KLHL1: variants seen among roughly 807,000 people sequenced by gnomAD.
The protein encoded by KLHL1 is kelch like family member 1, also known as kelch-like protein 1.
KLHL1 carries 47 observed loss-of-function variants against 77.7 expected under a neutral mutation model. That is an observed-to-expected ratio of 0.60 (90% CI 0.48 to 0.77). KLHL1 has a LOEUF of 0.77. Ranked by LOEUF, KLHL1 falls within the 30% of genes least tolerant of loss-of-function variation. The pLI is 0.00. For missense variants in KLHL1, 925 were observed against 910.8 expected (o/e 1.02, Z -0.20); for synonymous variants, 360 against 325.2 (o/e 1.11, Z -1.15).
At chr13:69,857,828 C>T (rs1338779262) in intron 5 of KLHL1, among the ~76,000 whole-genome samples, 1 of 151,342 alleles carries the variant, frequency 6.6e-6, no homozygotes, top group Non-Finnish European at 1.5e-5. Flanking sequence ...CACACGTACC[C>T]TAGAACTTAA....
intron 5 of KLHL1, among the ~76,000 whole-genome samples, chr13:69,848,365 A>C (rs1323158642): frequency 6.6e-6 from 1 of 151,484 alleles, no homozygotes; most frequent in Non-Finnish European, 1.5e-5. Context: ...TACCATTGTC[A>C]ATATCAGCCT....
rs79821356 is a variant in KLHL1 at position 70,100,410 on chromosome 13, G to A, written c.497+6793C>T. On this transcript the variant is annotated intron_variant, in intron 1 of 10. Transcript: ENST00000377844. Reference sequence around the variant, plus strand: ...GCTAAGCTTGCTACATTTTTTTGTCGATTTCATCAATTTTTTTATAGACAA... The same window carrying A: ...GCTAAGCTTGCTACATTTTTTTGTCAATTTCATCAATTTTTTTATAGACAA... Among the ~76,000 whole-genome samples, 522 of 151,596 alleles carry A rather than the reference G, an allele frequency of 3.4e-3. 2 individuals are homozygous for A. Among genetic ancestry groups the A allele is most frequent in the African/African-American group, 0.011 (474 of 41,348 alleles).
chr13:70,099,840 G>A (rs1797847700), intron 1 of KLHL1, among the ~76,000 whole-genome samples: 1 of 151,680 alleles, frequency 6.6e-6, no homozygotes. Context: ...TTTTTATATG[G>A]CAGAATAGTA....
chr13:70,076,607 T>C (rs1300546244), intron 1 of KLHL1, among the ~76,000 whole-genome samples: 1 of 151,058 alleles, frequency 6.6e-6, no homozygotes, highest in Non-Finnish European at 1.5e-5. Context: ...GCCCAATCCA[T>C]GAAAGAAAAC....
intron 6 of KLHL1, among the ~76,000 whole-genome samples, chr13:69,813,076 A>G (rs1371414976): frequency 2.6e-5 from 4 of 152,028 alleles, no homozygotes; most frequent in African/African-American, 7.2e-5. Context: ...AACCAACCCA[A>G]ATGTTCATCA....
intron 6 of KLHL1, among the ~76,000 whole-genome samples, chr13:69,831,175 A>C (rs570271999): frequency 6.7e-6 from 1 of 150,228 alleles, no homozygotes; most frequent in African/African-American, 2.5e-5. Context: ...CTTTGAAAAG[A>C]TAAACATAAC....
chr13:69,984,850 T>A (rs1045241123), intron 1 of KLHL1, among the ~76,000 whole-genome samples: 1 of 152,140 alleles, frequency 6.6e-6, no homozygotes, highest in Non-Finnish European at 1.5e-5. Flanking sequence ...GGCTCACACC[T>A]GTAATCCCAG....
chr13:69,978,729 T>C (rs530419634), intron 1 of KLHL1, among the ~76,000 whole-genome samples: 4 of 152,048 alleles, frequency 2.6e-5, no homozygotes, highest in East Asian at 1.9e-4. Flanking sequence ...TCAGGTGATC[T>C]GCCCGCCTTG....
intron 1 of KLHL1, among the ~76,000 whole-genome samples, chr13:70,055,298 A>C (rs941373138): frequency 2.0e-5 from 3 of 152,126 alleles, no homozygotes; most frequent in African/African-American, 7.2e-5. Flanking sequence ...TGAAGGAAAA[A>C]ATATTTTATC....
Position 69,842,314 on chromosome 13 carries a change from C to T in KLHL1, c.1228-3152G>A, listed in dbSNP as rs144593572. 9.2e-5 allele frequency among the ~76,000 whole-genome samples: 14 copies of T among 151,832 alleles called. No homozygotes were observed. In the East Asian group the frequency reaches 2.1e-3, roughly 23 times the overall value. ...ATTTATGCAAGAGAGGACAAATACG[C>T]AGAATGTACAGGAAACAAAAAACAA... is the stretch of plus-strand genomic sequence containing the variant. On this transcript the variant is annotated intron_variant, in intron 5 of 10. Transcript: ENST00000377844.
At chr13:69,853,647 T>C (rs376684907) in intron 5 of KLHL1, among the ~76,000 whole-genome samples, 34 of 152,050 alleles carry the variant, frequency 2.2e-4, no homozygotes, top group African/African-American at 7.7e-4. Flanking sequence ...GTGTTTAAAG[T>C]GGTATTCACC....
At chr13:69,835,093 A>G (rs887589316) in intron 6 of KLHL1, among the ~76,000 whole-genome samples, 9 of 152,164 alleles carry the variant, frequency 5.9e-5, no homozygotes, top group South Asian at 2.1e-4. Context: ...AATATCCAAA[A>G]TGTTTGAAAA....
intron 7 of KLHL1, among the ~76,000 whole-genome samples, chr13:69,743,385 A>T (rs1566203649): frequency 1.3e-5 from 2 of 152,222 alleles, no homozygotes; most frequent in South Asian, 2.1e-4. Flanking sequence ...AACAGGTTTC[A>T]GTTCAAACAG....
chr13:69,861,772 AC>A lies in KLHL1; in HGVS notation c.1227+20510del, dbSNP rs912792168. Among the ~76,000 whole-genome samples, 151 of 133,044 alleles carry A rather than the reference AC, an allele frequency of 1.1e-3. 2 individuals are homozygous for A. Among genetic ancestry groups the A allele is most frequent in the African/African-American group, 4.2e-3 (145 of 34,632 alleles). 87.3% of individuals were successfully genotyped at this position (133,044 alleles called of 152,430 possible). Reference sequence around the variant, plus strand: ...AGATCAGCCTGACCAACATGGAGAAACCCCGTCTCTACTAAAAAAAAAAAAA... The same window carrying A: ...AGATCAGCCTGACCAACATGGAGAAACCCGTCTCTACTAAAAAAAAAAAAA... On this transcript the variant is annotated intron_variant, in intron 5 of 10. Transcript: ENST00000377844.
Position 69,941,046 on chromosome 13 carries a change from CAATTGTATATACAATTGTATAT to C in KLHL1, c.818-832_818-811del, listed in dbSNP as rs1234513617. On this transcript the variant is annotated intron_variant, in intron 3 of 10. Transcript: ENST00000377844. ...AAGTTGTATAACTTGTATAATTGTA[CAATTGTATATACAATTGTATAT>C]AATTGTATAACAATGAACCTAAACT... Among the ~76,000 whole-genome samples the C allele has an allele frequency of 4.0e-5, 6 of 151,850 alleles. No individual in the cohort carries two copies. In the East Asian group the frequency reaches 5.8e-4, roughly 15 times the overall value.
intron 6 of KLHL1, among the ~76,000 whole-genome samples, chr13:69,816,425 T>C (rs149815442): frequency 0.012 from 1,747 of 149,944 alleles, 36 homozygotes; most frequent in African/African-American, 0.039. Context: ...CACGCCTGGC[T>C]AATTTTTTTT....
At chr13:69,720,064 T>G (rs1413837428) in intron 8 of KLHL1, among the ~76,000 whole-genome samples, 1 of 152,062 alleles carries the variant, frequency 6.6e-6, no homozygotes, top group East Asian at 1.9e-4. Context: ...TGTAATAAAC[T>G]AAAAGTATTA....
At chr13:69,880,159 G>A (rs1880933116) in intron 5 of KLHL1, among the ~76,000 whole-genome samples, 1 of 152,072 alleles carries the variant, frequency 6.6e-6, no homozygotes, top group South Asian at 2.1e-4. Flanking sequence ...CTAGCTCTAT[G>A]GACTTTGAAA....
At chr13:69,725,884 T>C (rs1023927572) in intron 8 of KLHL1, among the ~76,000 whole-genome samples, 3 of 151,958 alleles carry the variant, frequency 2.0e-5, no homozygotes, top group Non-Finnish European at 4.4e-5. Context: ...CACTAGATCT[T>C]TTCTAGCCCT....
Sources: allele counts gnomAD v4.1 joint callset (sites outside exome capture counted in the v4.1 genomes callset), GRCh38; gene constraint gnomAD v4.1.1; transcripts MANE v1.5; gene names NCBI Gene and HGNC (gene_info 2026-07-23, HGNC 2026-07-21).